The following PLCB1 variants were observed in gnomAD, a reference collection of about 807,000 sequenced individuals.
PLCB1 encodes the protein 1-phosphatidylinositol 4,5-bisphosphate phosphodiesterase beta-1.
Under a neutral mutation model 161.8 loss-of-function variants are expected in PLCB1, and 46 were observed. The observed-to-expected ratio is 0.28, with a 90% confidence interval of 0.22 to 0.36. The LOEUF (loss-of-function observed/expected upper bound fraction) is 0.36, where lower values mean the gene tolerates loss of function less well. Ranked by LOEUF, PLCB1 falls within the 10% of genes least tolerant of loss-of-function variation. The pLI is 1.00. For missense variants in PLCB1, 1,016 were observed against 1,472.5 expected (o/e 0.69, Z 5.07); for synonymous variants, 517 against 503.7 (o/e 1.03, Z -0.35).
intron 31 of PLCB1, among the ~76,000 whole-genome samples, chr20:8,822,035 T>A (rs1476577567): frequency 7.1e-6 from 1 of 141,768 alleles, no homozygotes; most frequent in Non-Finnish European, 1.5e-5. Flanking sequence ...TCTTTTTTCC[T>A]TTTTTTTTTC....
At chr20:8,808,689 A>G (rs1174507134) in intron 31 of PLCB1, among the ~76,000 whole-genome samples, 2 of 152,250 alleles carry the variant, frequency 1.3e-5, no homozygotes, top group Non-Finnish European at 2.9e-5. Context: ...GAATAGTAAC[A>G]GGTATAAAAA....
intron 2 of PLCB1, among the ~76,000 whole-genome samples, chr20:8,309,854 T>C (rs1178109746): frequency 6.6e-6 from 1 of 152,162 alleles, no homozygotes; most frequent in Non-Finnish European, 1.5e-5. Context: ...AAGAAAGGGA[T>C]TAGCACGCTA....
chr20:8,196,621 TCTAA>T (rs939914086), intron 2 of PLCB1, among the ~76,000 whole-genome samples: 6 of 151,020 alleles, frequency 4.0e-5, no homozygotes, highest in African/African-American at 1.5e-4. Context: ...ACTCCTTCTG[TCTAA>T]CAGCCTCAAA....
chr20:8,674,307 G>A (rs1335199966), intron 9 of PLCB1, among the ~76,000 whole-genome samples: 1 of 152,198 alleles, frequency 6.6e-6, no homozygotes, highest in African/African-American at 2.4e-5. Flanking sequence ...AAGACTTCAT[G>A]TTGTGGTAAT....
chr20:8,165,718 C>T (rs183231410), intron 2 of PLCB1, among the ~76,000 whole-genome samples: 52 of 152,288 alleles, frequency 3.4e-4, no homozygotes, highest in Non-Finnish European at 6.0e-4. Context: ...TTACAGGTTA[C>T]TAAATGGTGG....
At chr20:8,494,572 G>T (rs1983080873) in intron 3 of PLCB1, among the ~76,000 whole-genome samples, 1 of 152,192 alleles carries the variant, frequency 6.6e-6, no homozygotes, top group Non-Finnish European at 1.5e-5. Context: ...ACTTTAGGAA[G>T]AGAGGAGAGA....
At chr20:8,863,752 T>G (rs1458594962) in intron 31 of PLCB1, among the ~76,000 whole-genome samples, 2 of 152,232 alleles carry the variant, frequency 1.3e-5, no homozygotes, top group Non-Finnish European at 2.9e-5. Context: ...TTCAATCTAC[T>G]TCTAACTGGA....
At chr20:8,283,259 A>T (rs1982960881) in intron 2 of PLCB1, among the ~76,000 whole-genome samples, 1 of 152,190 alleles carries the variant, frequency 6.6e-6, no homozygotes. Flanking sequence ...TGGTGGTTCT[A>T]CAGAAAGAAA....
intron 31 of PLCB1, among the ~76,000 whole-genome samples, chr20:8,872,751 C>T (rs959217098): frequency 2.6e-5 from 4 of 152,040 alleles, no homozygotes; most frequent in African/African-American, 9.7e-5. Context: ...CATTTGCTTC[C>T]TTGCCTCATC....
intron 2 of PLCB1, among the ~76,000 whole-genome samples, chr20:8,167,205 G>C (rs998336321): frequency 6.6e-6 from 1 of 152,160 alleles, no homozygotes; most frequent in African/African-American, 2.4e-5. Context: ...GCAGATGCTT[G>C]TCTGTCTTAT....
chr20:8,638,453 ATAT>A (rs761627965), intron 4 of PLCB1, among the ~76,000 whole-genome samples: 2 of 152,132 alleles, frequency 1.3e-5, no homozygotes, highest in African/African-American at 2.4e-5. Flanking sequence ...TCAGAGCAGG[ATAT>A]TATAGTCAAA....
intron 3 of PLCB1, among the ~76,000 whole-genome samples, chr20:8,549,576 G>A (rs956785910): frequency 6.6e-6 from 1 of 152,082 alleles, no homozygotes; most frequent in Non-Finnish European, 1.5e-5. Context: ...GATAGCGAAC[G>A]AATTCTCATG....
At chr20:8,377,190 G>T (rs1041825042) in intron 3 of PLCB1, among the ~76,000 whole-genome samples, 1 of 152,096 alleles carries the variant, frequency 6.6e-6, no homozygotes, top group Non-Finnish European at 1.5e-5. Context: ...AATGAGTGCT[G>T]GGAAGGGGTC....
intron 2 of PLCB1, among the ~76,000 whole-genome samples, chr20:8,357,628 G>A (rs535683972): frequency 6.6e-6 from 1 of 151,914 alleles, no homozygotes. Flanking sequence ...ATCAGCCTGA[G>A]CAACATAGTG....
intron 3 of PLCB1, among the ~76,000 whole-genome samples, chr20:8,398,284 A>G (rs1375723911): frequency 1.3e-5 from 2 of 151,796 alleles, no homozygotes; most frequent in Non-Finnish European, 2.9e-5. Context: ...CTTAATAAAT[A>G]TATGTCATAT....
At chr20:8,371,077 T>C in intron 2 of PLCB1, 1 of 288,922 alleles carries the variant, frequency 3.5e-6, no homozygotes, top group Non-Finnish European at 6.5e-6. Context: ...CTCCCAGGAT[T>C]ATATTCAAAA....
chr20:8,546,059 G>A (rs1006721008), intron 3 of PLCB1, among the ~76,000 whole-genome samples: 3 of 152,114 alleles, frequency 2.0e-5, no homozygotes, highest in Admixed American at 6.5e-5. Context: ...GCTCATGCCT[G>A]TAATCCCAGC....
intron 2 of PLCB1, among the ~76,000 whole-genome samples, chr20:8,155,890 G>A (rs1162602205): frequency 2.0e-5 from 3 of 152,172 alleles, no homozygotes; most frequent in African/African-American, 4.8e-5. Flanking sequence ...CAAAATTCAC[G>A]TGAGGATTGC....
At chr20:8,133,959 A>G (rs994722654) in intron 1 of PLCB1, among the ~76,000 whole-genome samples, 3 of 152,190 alleles carry the variant, frequency 2.0e-5, no homozygotes, top group African/African-American at 4.8e-5. Context: ...AGTGAATCCA[A>G]TTACTTAGCT....
Sources: allele counts gnomAD v4.1 joint callset (sites outside exome capture counted in the v4.1 genomes callset), GRCh38; gene constraint gnomAD v4.1.1; transcripts MANE v1.5; gene names NCBI Gene and HGNC (gene_info 2026-07-23, HGNC 2026-07-21).